PHF10: variants seen among roughly 807,000 people sequenced by gnomAD.
The protein encoded by PHF10 is BRG1-associated factor 45a.
In PHF10, 51 loss-of-function variants were observed where a neutral mutation model predicts 68.5. That is an observed-to-expected ratio of 0.74 (90% CI 0.59 to 0.94). The LOEUF is 0.94. PHF10 is among the 40% of genes least tolerant of loss of function. The pLI is 0.00. For synonymous variants in PHF10, 204 were observed against 203.5 expected (o/e 1.00, Z -0.02); for missense variants, 460 against 602.6 (o/e 0.76, Z 2.48).
intron 1 of PHF10, 81 bp downstream of exon 1, chr6:169,723,764 C>T: frequency 2.5e-6 from 1 of 401,530 alleles, no homozygotes; most frequent in Non-Finnish European, 3.7e-6. Flanking sequence ...CGCTGGGCGG[C>T]CGCCGGTGGG....
At chr6:169,710,115 A>G in intron 9 of PHF10, 121 bp downstream of exon 9, 3 of 689,730 alleles carry the variant, frequency 4.3e-6, no homozygotes, top group Non-Finnish European at 7.2e-6. Context: ...AGGGCACACC[A>G]TAGAAGAACA....
intron 7 of PHF10, among the ~76,000 whole-genome samples, chr6:169,714,024 G>A (rs1788987429): frequency 6.6e-6 from 1 of 151,676 alleles, no homozygotes; most frequent in Non-Finnish European, 1.5e-5. Context: ...GGGAGGCTGA[G>A]GCAGGAGAAT....
At chr6:169,711,236 A>C (rs956106421) in intron 8 of PHF10, among the ~76,000 whole-genome samples, 1 of 152,142 alleles carries the variant, frequency 6.6e-6, no homozygotes, top group Non-Finnish European at 1.5e-5. Flanking sequence ...GTGTGTATGC[A>C]TATGTGTATT....
chr6:169,721,008 A>T lies in PHF10; in HGVS notation c.191T>A (p.Leu64His). Residue 64 changes from leucine to histidine, a missense_variant, in exon 2 of 12, where the codon CTT (leucine) becomes CAT (histidine). By Grantham distance (99) the Leu-to-His change is moderately conservative. Around this residue, in one of 3 missense-constraint regions of PHF10, gnomAD observed 93 missense variants for 82.4 expected, o/e 1.13. Transcript: ENST00000339209. ...ATAACCGATAAAATGACAGTACCCAAGATCTTGACTTGAAGTTTCACAACT... is the reference window on the plus strand; with the variant it reads ...ATAACCGATAAAATGACAGTACCCATGATCTTGACTTGAAGTTTCACAACT... The part of the protein sequence containing the change: ...SRSCETSSQD[L>H]GFSYYPAENL... The T allele has an allele frequency of 2.0e-6, 3 of 1,518,068 alleles. No individual in the cohort carries two copies. Among genetic ancestry groups the T allele is most frequent in the Non-Finnish European group, 2.7e-6 (3 of 1,118,614 alleles). 94.0% of individuals were successfully genotyped at this position (1,518,068 alleles called of 1,614,324 possible). A position where few individuals can be genotyped will look rare whatever the true frequency, so the allele number is the denominator to read the frequency against.
intron 9 of PHF10, chr6:169,708,846 G>C (rs1788865463): frequency 1.3e-5 from 2 of 152,128 alleles, no homozygotes; most frequent in Non-Finnish European, 2.9e-5. Context: ...TCCATTTAAA[G>C]CTCTTAGCAG....
chr6:169,719,660 C>A (rs1789131572), intron 2 of PHF10, among the ~76,000 whole-genome samples: 1 of 152,038 alleles, frequency 6.6e-6, no homozygotes, highest in Non-Finnish European at 1.5e-5. Flanking sequence ...TAAAATTGGA[C>A]CTTTACCTCA....
intron 8 of PHF10, 69 bp downstream of exon 8, chr6:169,712,317 A>G (rs1263940089): frequency 1.5e-6 from 2 of 1,307,714 alleles, no homozygotes; most frequent in African/African-American, 2.9e-5. Context: ...GAGGGTGATG[A>G]CAGAAATTCA....
chr6:169,723,347 C>A lies in PHF10; in HGVS notation c.87+498G>T, dbSNP rs150588784. Among the ~76,000 whole-genome samples the A allele has an allele frequency of 3.2e-3, 489 of 152,344 alleles. 3 individuals are homozygous for A. Among genetic ancestry groups the A allele is most frequent in the South Asian group, 0.012 (57 of 4,830 alleles). On this transcript the variant is annotated intron_variant, in intron 1 of 11. Coordinates refer to ENST00000339209, the MANE Select transcript of PHF10 (RefSeq NM_018288.4). ...AGTAAAAAGTTTTAACAGACTTCCG[C>A]TGAAAACATCCGGACGCTTGCGTAT...
At chr6:169,715,591 C>CA (rs201623830) in intron 6 of PHF10, 117 bp downstream of exon 6, 90 of 909,206 alleles carry the variant, frequency 9.9e-5, no homozygotes, top group Non-Finnish European at 1.3e-4. Context: ...AACAAACAAA[C>CA]AAAAAAAACA....
intron 4 of PHF10, 104 bp from the exon 5 acceptor site, chr6:169,716,192 G>T (rs1789043597): frequency 1.6e-6 from 1 of 614,982 alleles, no homozygotes; most frequent in Non-Finnish European, 2.6e-6. Flanking sequence ...ACGTTGTAAT[G>T]GTTTTCCAAT....
Position 169,704,099 on chromosome 6 carries a change from A to T in PHF10, c.1412-11T>A, listed in dbSNP as rs928734813. 1.3e-5 allele frequency: 21 copies of T among 1,572,542 alleles called. No homozygotes were observed. Among genetic ancestry groups the T allele is most frequent in the Middle Eastern group, 1.7e-4 (1 of 5,934 alleles). The stretch of plus-strand genomic sequence containing the variant: ...CACAAATCCAGCGACCTAGGAAAAA[A>T]ATTGTTAATATAGAATGAAAAATTA... On this transcript the variant is annotated splice_polypyrimidine_tract_variant and intron_variant, in intron 11 of 11. Transcript: ENST00000339209.
At chr6:169,706,720 A>G (rs1466345594) in intron 9 of PHF10, among the ~76,000 whole-genome samples, 1 of 88,648 alleles carries the variant, frequency 1.1e-5, no homozygotes, top group Non-Finnish European at 2.6e-5. Flanking sequence ...GGACATACAT[A>G]CATACATACA....
At chr6:169,721,409 C>T (rs145883273) in intron 1 of PHF10, among the ~76,000 whole-genome samples, 175 of 152,296 alleles carry the variant, frequency 1.1e-3, no homozygotes, top group African/African-American at 4.0e-3. Flanking sequence ...GCAAACTCTC[C>T]TACCCAAGCT....
At chr6:169,723,072 C>T (rs1789218942) in intron 1 of PHF10, among the ~76,000 whole-genome samples, 1 of 152,216 alleles carries the variant, frequency 6.6e-6, no homozygotes, top group African/African-American at 2.4e-5. Context: ...GGACGGCTTC[C>T]CCTGCCAACG....
At position 169,703,963 on chromosome 6, in the gene PHF10, C is replaced by T; in HGVS notation, c.*40G>A. 7.0e-7 allele frequency: 1 copy of T among 1,423,486 alleles called. No homozygotes were observed. Among genetic ancestry groups the T allele is most frequent in the Non-Finnish European group, 9.5e-7 (1 of 1,051,294 alleles). 88.2% of individuals were successfully genotyped at this position (1,423,486 alleles called of 1,614,324 possible). A position where few individuals can be genotyped will look rare whatever the true frequency, so the allele number is the denominator to read the frequency against. Reference sequence around the variant, plus strand: ...AATGTTGTAAATGGCACCAAATATTCCACTTAAATGCATATACAGTATTAG... The same window carrying T: ...AATGTTGTAAATGGCACCAAATATTTCACTTAAATGCATATACAGTATTAG... On this transcript the variant is annotated 3_prime_UTR_variant, in exon 12 of 12. Coordinates refer to ENST00000339209, the MANE Select transcript of PHF10 (RefSeq NM_018288.4).
rs541262113 is a variant in PHF10, at chr6:169,718,046, T to A, written c.326-140A>T. 6.6e-4 allele frequency: 311 copies of A among 469,586 alleles called. 1 individual carries two copies. The South Asian group carries it at 7.7e-3, about 12-fold the overall frequency. The allele number at this position is 469,586 out of a possible 1,614,324, so 29.1% of individuals were successfully genotyped here. ...TATTATTAAAGGGGCTACAAAAAAA[T>A]TTATAAATTCAAGAAATAAAACTCA... On this transcript the variant is annotated intron_variant, in intron 3 of 11. Coordinates refer to ENST00000339209, the MANE Select transcript of PHF10 (RefSeq NM_018288.4).
chr6:169,722,157 ATTAG>A (rs1402256735), intron 1 of PHF10, among the ~76,000 whole-genome samples: 1 of 152,242 alleles, frequency 6.6e-6, no homozygotes, highest in South Asian at 2.1e-4. Context: ...TCTGATAAAT[ATTAG>A]TTAAAATGAT....
intron 9 of PHF10, among the ~76,000 whole-genome samples, chr6:169,706,528 A>C (rs1056460462): frequency 1.6e-4 from 25 of 152,176 alleles, no homozygotes; most frequent in African/African-American, 5.8e-4. Flanking sequence ...ATATTTGGTT[A>C]CACATGGAAA....
At chr6:169,713,738 A>G (rs1344247634) in intron 7 of PHF10, among the ~76,000 whole-genome samples, 2 of 152,218 alleles carry the variant, frequency 1.3e-5, no homozygotes, top group Non-Finnish European at 2.9e-5. Flanking sequence ...TTATGATACT[A>G]TATTTTAAAT....
Sources: allele counts gnomAD v4.1 joint callset (sites outside exome capture counted in the v4.1 genomes callset), GRCh38; gene constraint gnomAD v4.1.1; regional missense constraint gnomAD v4.1.1; transcripts MANE v1.5; gene names NCBI Gene and HGNC (gene_info 2026-07-23, HGNC 2026-07-21).